ZFHX3: variants seen among roughly 807,000 people sequenced by gnomAD.
ZFHX3 encodes the protein zinc finger homeobox protein 3.
In ZFHX3, 42 loss-of-function variants were observed where a neutral mutation model predicts 279.1. The observed-to-expected ratio is 0.15, with a 90% CI of 0.12 to 0.19. The LOEUF is 0.19. Among genes scored for constraint, ZFHX3 ranks in the 10% least tolerant of loss-of-function variants. The pLI is 1.00. For missense variants in ZFHX3, 4,981 were observed against 4,754.0 expected (o/e 1.05, Z -1.40); for synonymous variants, 2,293 against 1,957.8 (o/e 1.17, Z -4.52).
At chr16:73,320,110 C>T (rs2015545408) in intron 3 of ZFHX3, among the ~76,000 whole-genome samples, 1 of 152,164 alleles carries the variant, frequency 6.6e-6, no homozygotes, top group Non-Finnish European at 1.5e-5. Flanking sequence ...GGAAGAACCG[C>T]AGGGATGCAA....
intron 3 of ZFHX3, among the ~76,000 whole-genome samples, chr16:72,926,957 A>G (rs1959482970): frequency 6.6e-6 from 1 of 152,238 alleles, no homozygotes; most frequent in African/African-American, 2.4e-5. Context: ...AAAGTCTCCA[A>G]TCAAGAGGTC....
At chr16:73,563,456 A>C (rs1369551238) in intron 2 of ZFHX3, among the ~76,000 whole-genome samples, 1 of 151,550 alleles carries the variant, frequency 6.6e-6, no homozygotes, top group African/African-American at 2.4e-5. Flanking sequence ...ACGGGGTTTC[A>C]CCGTGTTAGC....
intron 1 of ZFHX3, among the ~76,000 whole-genome samples, chr16:72,974,728 G>A (rs530020459): frequency 3.9e-5 from 6 of 152,216 alleles, no homozygotes; most frequent in Non-Finnish European, 7.3e-5. Flanking sequence ...CTGTAAGGTA[G>A]AGACATTGGT....
Position 73,705,341 on chromosome 16 carries a change from G to A in ZFHX3, c.-1607-25101C>T, listed in dbSNP as rs150627414. On this transcript the variant is annotated intron_variant, in intron 1 of 17. Transcript: ENST00000641206. ...TGGTTGCAGGAGTCTCCCAATGCGG[G>A]GGTTCAATCCCTGGCACTTCTGGTC... is the stretch of plus-strand genomic sequence containing the variant. Among the ~76,000 whole-genome samples the A allele has an allele frequency of 3.0e-3, 450 of 152,198 alleles. 2 individuals carry two copies. Among genetic ancestry groups the A allele is most frequent in the Admixed American group, 4.3e-3 (65 of 15,280 alleles).
intron 3 of ZFHX3, among the ~76,000 whole-genome samples, chr16:72,915,795 T>A (rs957983027): frequency 1.3e-5 from 2 of 152,018 alleles, no homozygotes; most frequent in African/African-American, 2.4e-5. Flanking sequence ...TTCATTGTGA[T>A]TTTAAAAGCA....
chr16:72,862,522 CAGCTCCAAATAAATAGG>C (rs1229991750), intron 4 of ZFHX3, among the ~76,000 whole-genome samples: 1 of 152,204 alleles, frequency 6.6e-6, no homozygotes, highest in Non-Finnish European at 1.5e-5. Context: ...ATCATTTTGC[CAGCTCCAAATAAATAGG>C]AGATTTGGGC....
At chr16:73,404,709 A>G (rs1350319131) in intron 3 of ZFHX3, among the ~76,000 whole-genome samples, 12 of 152,194 alleles carry the variant, frequency 7.9e-5, no homozygotes, top group Admixed American at 2.0e-4. Flanking sequence ...TTTTACGCAT[A>G]AGGACACCAA....
Position 73,329,715 on chromosome 16 carries a change from C to T in ZFHX3, c.-1290-11379G>A, listed in dbSNP as rs149306888. Among the ~76,000 whole-genome samples, 381 of 152,206 alleles carry T rather than the reference C, an allele frequency of 2.5e-3. 1 individual carries two copies. The highest frequency in any genetic ancestry group is 8.5e-3 in the African/African-American group (353 of 41,512). On this transcript the variant is annotated intron_variant, in intron 3 of 17. Transcript: ENST00000641206. Reference sequence around the variant, plus strand: ...AATCCTGCATGCATTGGTGGGAAAGCGGAGAAGGGGGGAGTTGGGATTAAT... The same window carrying T: ...AATCCTGCATGCATTGGTGGGAAAGTGGAGAAGGGGGGAGTTGGGATTAAT...
At chr16:73,486,432 T>C (rs1350042692) in intron 2 of ZFHX3, among the ~76,000 whole-genome samples, 1 of 139,498 alleles carries the variant, frequency 7.2e-6, no homozygotes, top group Admixed American at 7.4e-5. Context: ...ATTCTTTCCT[T>C]GCTTTGTTTG....
At chr16:73,703,607 G>C (rs1449363017) in intron 1 of ZFHX3, among the ~76,000 whole-genome samples, 1 of 152,050 alleles carries the variant, frequency 6.6e-6, no homozygotes, top group East Asian at 1.9e-4. Context: ...CAGTAATAAA[G>C]AAGTGTGCAG....
Position 73,134,219 on chromosome 16 carries a change from C to T in ZFHX3, c.-1023-3125G>A, listed in dbSNP as rs575131655. Among the ~76,000 whole-genome samples, 3 of 151,752 alleles carry T rather than the reference C, an allele frequency of 2.0e-5. No homozygotes were observed. In the South Asian group the frequency reaches 6.3e-4, roughly 32 times the overall value. ...TTCAGGTACCATGCTTTTAACCACTCACAACTCAGATGACCTCAATGGCCC... is the reference window on the plus strand; with the variant it reads ...TTCAGGTACCATGCTTTTAACCACTTACAACTCAGATGACCTCAATGGCCC... On this transcript the variant is annotated intron_variant, in intron 6 of 17. Transcript: ENST00000641206.
rs570080527 is a variant in ZFHX3, at chr16:73,299,668, T to C, written c.-1194+18572A>G. ...GTGCCCCAGCCCAGGAGGAGCAGGC[T>C]GAGACCTGGGCCCGCAAAGGGCAGG... On this transcript the variant is annotated intron_variant, in intron 4 of 17. Coordinates refer to the ZFHX3 transcript ENST00000641206. 3.5e-4 allele frequency among the ~76,000 whole-genome samples: 54 copies of C among 152,360 alleles called. No individual in the cohort carries two copies. In the South Asian group the frequency reaches 7.2e-3, roughly 20 times the overall value.
At chr16:73,319,933 C>T (rs759766538) in intron 3 of ZFHX3, among the ~76,000 whole-genome samples, 1 of 152,126 alleles carries the variant, frequency 6.6e-6, no homozygotes, top group Non-Finnish European at 1.5e-5. Flanking sequence ...TGGCAACATA[C>T]CTTAGGTCCA....
rs1393860701 is a variant in ZFHX3, at chr16:72,958,916, T to G, written c.1230A>C (p.Val410=). 1 of 1,603,108 alleles carries G rather than the reference T, an allele frequency of 6.2e-7. No individual in the cohort carries two copies. Among genetic ancestry groups the G allele is most frequent in the Admixed American group, 1.7e-5 (1 of 59,146 alleles). ...LLNLGGLTSS[V]LKTPITSVPL... ...GGACTGAGGTAATGGGGGTCTTCAGTACCGAGCTGGTGAGCCCGCCAAGGT... is the reference window on the plus strand; with the variant it reads ...GGACTGAGGTAATGGGGGTCTTCAGGACCGAGCTGGTGAGCCCGCCAAGGT... Residue 410 remains valine (V), a synonymous_variant, in exon 2 of 10, where the codon GTA becomes GTC. Transcript: ENST00000268489.
At chr16:73,156,292 A>T (rs893103158) in intron 5 of ZFHX3, among the ~76,000 whole-genome samples, 9 of 151,928 alleles carry the variant, frequency 5.9e-5, no homozygotes, top group African/African-American at 2.2e-4. Context: ...CACAAAAGTC[A>T]GGCTTATTAT....
At chr16:73,604,063 A>C (rs1408567991) in intron 2 of ZFHX3, among the ~76,000 whole-genome samples, 1 of 152,158 alleles carries the variant, frequency 6.6e-6, no homozygotes, top group Admixed American at 6.6e-5. Flanking sequence ...AGCATGAGCC[A>C]CCAAGCCCAG....
At chr16:73,274,197 A>C (rs926918017) in intron 4 of ZFHX3, among the ~76,000 whole-genome samples, 1 of 152,200 alleles carries the variant, frequency 6.6e-6, no homozygotes, top group Non-Finnish European at 1.5e-5. Flanking sequence ...AAAGGTGCAC[A>C]AATTTGTATT....
intron 4 of ZFHX3, among the ~76,000 whole-genome samples, chr16:73,259,270 C>T (rs2013749600): frequency 6.6e-6 from 1 of 152,170 alleles, no homozygotes; most frequent in African/African-American, 2.4e-5. Context: ...AAATTGCTCT[C>T]CAAAATGATT....
intron 1 of ZFHX3, chr16:73,815,513 G>A (rs1208842155): frequency 2.6e-5 from 4 of 151,782 alleles, no homozygotes; most frequent in African/African-American, 9.7e-5. Flanking sequence ...CAGAAGAACC[G>A]ATATGAACCG....
Sources: gnomAD v4.1 joint callset for allele counts (sites outside exome capture counted in the v4.1 genomes callset) on GRCh38, gnomAD v4.1.1 for gene constraint, MANE v1.5 for transcripts, NCBI Gene and HGNC (gene_info 2026-07-23, HGNC 2026-07-21) for gene names.